Variants in NADSYN1 observed in about 807,000 individuals in gnomAD.
NADSYN1 encodes the protein NAD synthetase 1.
Under a neutral mutation model 99.3 loss-of-function variants are expected in NADSYN1, and 80 were observed. That is an observed-to-expected ratio of 0.81 (90% confidence interval 0.67 to 0.97). The LOEUF is 0.97. NADSYN1 is among the 50% of genes least tolerant of loss of function. The pLI is 0.00. For missense variants in NADSYN1, 859 were observed against 948.5 expected (o/e 0.91, Z 1.24); for synonymous variants, 385 against 372.1 (o/e 1.03, Z -0.40).
At position 71,476,844 on chromosome 11, in the gene NADSYN1, C is replaced by T. The variant is rs927742474; in HGVS notation, c.799-1551C>T. ...CATCAAGCCACCAAATCGGAGTCCT[C>T]GGGGGTCTGTATATTTAGTGAGCAC... On this transcript the variant is annotated intron_variant, in intron 9 of 20. Transcript: ENST00000319023. 37 of 986,038 alleles carry T rather than the reference C, an allele frequency of 3.8e-5. No individual in the cohort carries two copies. In the South Asian group the frequency reaches 7.0e-4, roughly 19 times the overall value. 61.1% of individuals were successfully genotyped at this position (986,038 alleles called of 1,614,324 possible).
intron 7 of NADSYN1, 32 bp downstream of exon 7, chr11:71,473,398 C>T: frequency 6.2e-7 from 1 of 1,607,302 alleles, no homozygotes; most frequent in Non-Finnish European, 8.5e-7. Context: ...TGTCTGATCG[C>T]CCACCTCATA....
At chr11:71,464,183 C>T in intron 5 of NADSYN1, 41 bp downstream of exon 5, 1 of 1,492,462 alleles carries the variant, frequency 6.7e-7, no homozygotes, top group African/African-American at 1.4e-5. Context: ...GTGCGTTAAG[C>T]ACCTCCGCTG....
intron 2 of NADSYN1, 51 bp from the exon 3 acceptor site, chr11:71,458,377 C>T (rs1415300960): frequency 3.5e-6 from 5 of 1,434,698 alleles, no homozygotes; most frequent in Non-Finnish European, 4.9e-6. Context: ...CCCTGCCCCT[C>T]CCCGCTCACC....
rs1949522206 is a variant in NADSYN1 at position 71,457,619 on chromosome 11, G to A, written c.147-809G>A. Among the ~76,000 whole-genome samples the A allele has an allele frequency of 1.3e-5, 2 of 152,208 alleles. 1 individual carries two copies. The highest frequency in any genetic ancestry group is 2.9e-5 in the Non-Finnish European group (2 of 68,032). On this transcript the variant is annotated intron_variant, in intron 2 of 20. Transcript: ENST00000319023. ...AATGTATTCTCTCACAGTTCAGGAAGCCGGAAGTCCAAAATCAGGATGGCA... is the reference window on the plus strand; with the variant it reads ...AATGTATTCTCTCACAGTTCAGGAAACCGGAAGTCCAAAATCAGGATGGCA...
At chr11:71,473,020 T>C (rs894777092) in intron 6 of NADSYN1, among the ~76,000 whole-genome samples, 1 of 152,198 alleles carries the variant, frequency 6.6e-6, no homozygotes, top group African/African-American at 2.4e-5. Context: ...GCCCCATCGA[T>C]GTCCGTGACA....
chr11:71,501,616 G>A lies in NADSYN1; in HGVS notation c.*264G>A. 1 of 506,732 alleles carries A rather than the reference G, an allele frequency of 2.0e-6. No individual in the cohort carries two copies. 31.4% of individuals were successfully genotyped at this position (506,732 alleles called of 1,614,324 possible). A position where few individuals can be genotyped will look rare whatever the true frequency, so the allele number is the denominator to read the frequency against. On this transcript the variant is annotated 3_prime_UTR_variant, in exon 21 of 21. Coordinates refer to ENST00000319023, the MANE Select transcript of NADSYN1 (RefSeq NM_018161.5). ...CCGCGAAGTCTGGCATTCTCCGAAG[G>A]AAGCCGCCTGGGTAGGAGGGTTCCA...
At position 71,463,477 on chromosome 11, in the gene NADSYN1, C is replaced by G; in HGVS notation, c.309C>G (p.Phe103Leu). 6.2e-7 allele frequency: 1 copy of G among 1,613,978 alleles called. No homozygotes were observed. Among genetic ancestry groups the G allele is most frequent in the Non-Finnish European group, 8.5e-7 (1 of 1,179,914 alleles). The stretch of plus-strand genomic sequence containing the variant: ...TCCGCTACAACTGCAGAGTGATATT[C>G]CTCAACAGGTAGGCCCCCTGCCCCC... The part of the protein sequence containing the change: ...RNVRYNCRVI[F>L]LNRKILLIRP... The change falls in exon 4 of 21, where the codon TTC becomes TTG. Residue 103 changes from phenylalanine to leucine, a missense_variant. Coordinates refer to ENST00000319023, the MANE Select transcript of NADSYN1 (RefSeq NM_018161.5).
chr11:71,478,337 C>T (rs1949683384), intron 9 of NADSYN1, 58 bp from the exon 10 acceptor site: 1 of 1,421,012 alleles, frequency 7.0e-7, no homozygotes, highest in South Asian at 1.2e-5. Context: ...GGCCAAATTA[C>T]ACGTGGGAGT....
chr11:71,485,126 G>T (rs1478784927), intron 15 of NADSYN1: 2 of 172,738 alleles, frequency 1.2e-5, no homozygotes, highest in Non-Finnish European at 2.5e-5. Context: ...GAAAAGAGAG[G>T]CCGGGGGCTC....
At chr11:71,468,487 A>G (rs1949607802) in intron 5 of NADSYN1, among the ~76,000 whole-genome samples, 1 of 152,236 alleles carries the variant, frequency 6.6e-6, no homozygotes, top group Non-Finnish European at 1.5e-5. Flanking sequence ...GTAGCCACTA[A>G]AAGAAAAGAT....
chr11:71,475,913 T>C (rs1949662388), intron 9 of NADSYN1: 1 of 411,058 alleles, frequency 2.4e-6, no homozygotes, highest in Admixed American at 2.8e-5. Flanking sequence ...AGGGTTTCAC[T>C]GTGTTGCCCC....
chr11:71,481,244 A>G, intron 11 of NADSYN1, 112 bp from the exon 12 acceptor site: 1 of 1,074,660 alleles, frequency 9.3e-7, no homozygotes, highest in Non-Finnish European at 1.4e-6. Context: ...GCGTCCTGAG[A>G]GCCCAGCGTT....
chr11:71,462,512 A>C (rs1175379926), intron 3 of NADSYN1, among the ~76,000 whole-genome samples: 1 of 152,032 alleles, frequency 6.6e-6, no homozygotes, highest in Admixed American at 6.5e-5. Flanking sequence ...GTCTCCCTGA[A>C]ATGTGTACAA....
At chr11:71,491,766 G>C in intron 17 of NADSYN1, 68 bp from the exon 18 acceptor site, 1 of 1,430,602 alleles carries the variant, frequency 7.0e-7, no homozygotes. Context: ...TTAGTCTGGG[G>C]ATTCTCTCCC....
At position 71,458,517 on chromosome 11, in the gene NADSYN1, C is replaced by T; in HGVS notation, c.236C>T (p.Thr79Ile). Reference sequence around the variant, plus strand: ...GCGGCCCTTGTGGAGTCTCCCGTCACTCAGGACATCATCTGCGACGTGGGG... The same window carrying T: ...GCGGCCCTTGTGGAGTCTCCCGTCATTCAGGACATCATCTGCGACGTGGGG... Reference protein sequence around the residue: ...VLAALVESPVTQDIICDVGMP... With the variant: ...VLAALVESPVIQDIICDVGMP... Residue 79 changes from threonine (T) to isoleucine (I), a missense_variant, in exon 3 of 21, where the codon ACT (threonine) becomes ATT (isoleucine). By Grantham distance (89) the Thr-to-Ile change is moderately conservative (BLOSUM62 -1). Transcript: ENST00000319023. 1 of 1,612,056 alleles carries T rather than the reference C, an allele frequency of 6.2e-7. No individual in the cohort carries two copies. Among genetic ancestry groups the T allele is most frequent in the Admixed American group, 1.7e-5 (1 of 60,016 alleles).
At chr11:71,472,565 C>A in intron 6 of NADSYN1, 65 bp downstream of exon 6, 2 of 1,450,096 alleles carry the variant, frequency 1.4e-6, no homozygotes, top group Non-Finnish European at 1.9e-6. Flanking sequence ...AACAGTGGAC[C>A]AGGTGGGGCG....
At chr11:71,454,035 C>T (rs959097285) in intron 1 of NADSYN1, among the ~76,000 whole-genome samples, 1 of 152,088 alleles carries the variant, frequency 6.6e-6, no homozygotes, top group Non-Finnish European at 1.5e-5. Context: ...ATGGACGCAC[C>T]GTGGAGGATG....
intron 20 of NADSYN1, among the ~76,000 whole-genome samples, chr11:71,500,795 C>G (rs1045940313): frequency 6.6e-6 from 1 of 152,192 alleles, no homozygotes; most frequent in Non-Finnish European, 1.5e-5. Context: ...GCCCACACGC[C>G]ACACCCAGCC....
chr11:71,477,219 G>T, intron 9 of NADSYN1: 3 of 1,188,652 alleles, frequency 2.5e-6, no homozygotes, highest in Non-Finnish European at 3.2e-6. Flanking sequence ...AGGCCGCCGT[G>T]CGGCAGGCTG....
Sources: allele counts gnomAD v4.1 joint callset (sites outside exome capture counted in the v4.1 genomes callset), GRCh38; gene constraint gnomAD v4.1.1; transcripts MANE v1.5; gene names NCBI Gene and HGNC (gene_info 2026-07-23, HGNC 2026-07-21).